The following FAM174A variants were observed in gnomAD, a reference collection of about 807,000 sequenced individuals.
FAM174A encodes the protein membrane protein FAM174A.
In FAM174A, 14 loss-of-function variants were observed where a neutral mutation model predicts 14.3. The ratio of observed to expected loss-of-function variants is 0.98; its 90% CI spans 0.65 to 1.53. The LOEUF (loss-of-function observed/expected upper bound fraction) is 1.53, where lower values mean the gene tolerates loss of function less well. Ranked by LOEUF, FAM174A falls within the 40% of genes most tolerant of loss-of-function variation. The pLI is 0.00. For synonymous variants in FAM174A, 108 were observed against 111.4 expected (o/e 0.97, Z 0.19); for missense variants, 241 against 249.6 (o/e 0.97, Z 0.23).
At position 100,586,493 on chromosome 5, in the gene FAM174A, T is replaced by C. The variant is rs1747128682; in HGVS notation, c.*309T>C. 5.4e-6 allele frequency: 1 copy of C among 186,352 alleles called. No individual in the cohort carries two copies. The highest frequency in any genetic ancestry group is 1.1e-5 in the Non-Finnish European group (1 of 90,668). The allele number at this position is 186,352 out of a possible 1,614,324, so 11.5% of individuals were successfully genotyped here. On this transcript the variant is annotated 3_prime_UTR_variant, in exon 3 of 3. Coordinates refer to ENST00000312637, the MANE Select transcript of FAM174A (RefSeq NM_198507.3). ...TTGTTTCCTGCTTACCATATGATTG[T>C]AAATTGTTTTATGTATTAATCAGTT...
At chr5:100,562,786 A>G (rs563574254) in intron 2 of FAM174A, among the ~76,000 whole-genome samples, 4 of 151,982 alleles carry the variant, frequency 2.6e-5, no homozygotes, top group African/African-American at 7.2e-5. Flanking sequence ...ATATATACTG[A>G]GATCTATTCT....
chr5:100,567,289 CAAAT>C (rs149010804), intron 2 of FAM174A, among the ~76,000 whole-genome samples: 1,983 of 151,840 alleles, frequency 0.013, 33 homozygotes, highest in African/African-American at 0.046. Flanking sequence ...ATTTATCTAA[CAAAT>C]GAATGATGTA....
At chr5:100,539,215 A>C (rs1320667405) in intron 1 of FAM174A, among the ~76,000 whole-genome samples, 2 of 152,144 alleles carry the variant, frequency 1.3e-5, no homozygotes, top group African/African-American at 4.8e-5. Context: ...TATTTATTCA[A>C]CTGACCAGTA....
At chr5:100,578,634 T>C (rs1304479420) in intron 2 of FAM174A, among the ~76,000 whole-genome samples, 1 of 152,186 alleles carries the variant, frequency 6.6e-6, no homozygotes, top group African/African-American at 2.4e-5. Flanking sequence ...AAGAAGGATA[T>C]TGTTTTTCTT....
chr5:100,571,741 A>G (rs1316132210), intron 2 of FAM174A, among the ~76,000 whole-genome samples: 1 of 150,106 alleles, frequency 6.7e-6, no homozygotes, highest in African/African-American at 2.4e-5. Context: ...AAAGTAATAG[A>G]AAGGTTGAGA....
At position 100,535,814 on chromosome 5, in the gene FAM174A, A is replaced by T; in HGVS notation, c.284A>T (p.Asp95Val). Residue 95 changes from aspartate to valine, a missense_variant, in exon 1 of 3, where the codon GAT becomes GTT. Coordinates refer to ENST00000312637, the MANE Select transcript of FAM174A (RefSeq NM_198507.3). Reference sequence around the variant, plus strand: ...CCTGTGGCCGGGCTTGAGACGGACGATCACGGAGGGAAGGCCGGGGAAGGC... The same window carrying T: ...CCTGTGGCCGGGCTTGAGACGGACGTTCACGGAGGGAAGGCCGGGGAAGGC... The part of the protein sequence containing the change: ...SNPVAGLETD[D>V]HGGKAGEGSV... The T allele has an allele frequency of 1.9e-6, 3 of 1,610,408 alleles. No individual in the cohort carries two copies. Among genetic ancestry groups the T allele is most frequent in the Non-Finnish European group, 2.5e-6 (3 of 1,179,760 alleles).
intron 2 of FAM174A, among the ~76,000 whole-genome samples, chr5:100,585,971 TTAAA>T (rs1747118528): frequency 6.6e-6 from 1 of 152,196 alleles, no homozygotes; most frequent in African/African-American, 2.4e-5. Flanking sequence ...TAAAATTCCT[TTAAA>T]TAGTTAGAAT....
intron 2 of FAM174A, among the ~76,000 whole-genome samples, chr5:100,566,877 G>T (rs1401150226): frequency 6.6e-6 from 1 of 151,800 alleles, no homozygotes; most frequent in Non-Finnish European, 1.5e-5. Context: ...TGATTACAAA[G>T]TTACGTTTTG....
chr5:100,538,232 G>C (rs1487334154), intron 1 of FAM174A, among the ~76,000 whole-genome samples: 1 of 151,968 alleles, frequency 6.6e-6, no homozygotes, highest in Non-Finnish European at 1.5e-5. Context: ...GCTCATTTTG[G>C]CTCCCATTTT....
intron 2 of FAM174A, among the ~76,000 whole-genome samples, chr5:100,576,608 A>G (rs768251023): frequency 2.0e-5 from 3 of 152,276 alleles, no homozygotes; most frequent in South Asian, 4.1e-4. Context: ...AAGTACCATG[A>G]TTAGTTCAGA....
intron 1 of FAM174A, among the ~76,000 whole-genome samples, chr5:100,558,678 T>G (rs1746452708): frequency 6.6e-6 from 1 of 152,194 alleles, no homozygotes; most frequent in Non-Finnish European, 1.5e-5. Context: ...AATTGATCCC[T>G]TTACCATTAT....
At chr5:100,556,179 G>T (rs1746376032) in intron 1 of FAM174A, among the ~76,000 whole-genome samples, 1 of 152,112 alleles carries the variant, frequency 6.6e-6, no homozygotes, top group Non-Finnish European at 1.5e-5. Flanking sequence ...AGTTTTCCCA[G>T]CACCATTTAT....
chr5:100,537,952 T>A (rs1745971554), intron 1 of FAM174A, among the ~76,000 whole-genome samples: 1 of 152,216 alleles, frequency 6.6e-6, no homozygotes, highest in Non-Finnish European at 1.5e-5. Context: ...CTGTCATTAA[T>A]GTTGTAAAAC....
rs1186992577 is a variant in FAM174A, at chr5:100,578,005, A to T, written c.570-8176A>T. ...GTATCCAGGACAATAAGTGTGTAGG[A>T]TACAGCATAGCGCATACTAATAGAA... On this transcript the variant is annotated intron_variant, in intron 2 of 2. Transcript: ENST00000312637. 2.0e-5 allele frequency among the ~76,000 whole-genome samples: 3 copies of T among 152,242 alleles called. No individual in the cohort carries two copies. The East Asian group carries it at 5.8e-4, about 29-fold the overall frequency.
chr5:100,549,914 A>T (rs1235892381), intron 1 of FAM174A, among the ~76,000 whole-genome samples: 1 of 152,088 alleles, frequency 6.6e-6, no homozygotes, highest in Non-Finnish European at 1.5e-5. Context: ...TTAAAAAGAG[A>T]CTTTTAAAAT....
intron 1 of FAM174A, among the ~76,000 whole-genome samples, chr5:100,559,348 G>A (rs548435747): frequency 1.6e-4 from 25 of 152,120 alleles, no homozygotes; most frequent in South Asian, 1.0e-3. Flanking sequence ...TAACCCGACC[G>A]TTTTCTCTGG....
intron 2 of FAM174A, among the ~76,000 whole-genome samples, chr5:100,564,540 A>G (rs1561319766): frequency 6.6e-6 from 1 of 151,920 alleles, no homozygotes; most frequent in African/African-American, 2.4e-5. Flanking sequence ...TTAAGATTAT[A>G]ATAGAAATAC....
At chr5:100,570,731 G>A (rs1006413929) in intron 2 of FAM174A, among the ~76,000 whole-genome samples, 1 of 151,922 alleles carries the variant, frequency 6.6e-6, no homozygotes, top group African/African-American at 2.4e-5. Flanking sequence ...CGGATTATAT[G>A]CATATAATAT....
intron 1 of FAM174A, among the ~76,000 whole-genome samples, chr5:100,547,834 A>AT (rs559528362): frequency 0.017 from 2,520 of 147,548 alleles, 41 homozygotes; most frequent in African/African-American, 0.043. Context: ...ACAAGGAAAT[A>AT]TTTTTTTTTT....
Sources: allele counts gnomAD v4.1 joint callset (sites outside exome capture counted in the v4.1 genomes callset), GRCh38; gene constraint gnomAD v4.1.1; transcripts MANE v1.5; gene names NCBI Gene and HGNC (gene_info 2026-07-23, HGNC 2026-07-21).